The following CRPPA variants were observed in gnomAD, a reference collection of about 807,000 sequenced individuals.
CRPPA encodes the protein CDP-L-ribitol pyrophosphorylase A.
In CRPPA, 43 loss-of-function variants were observed where a neutral mutation model predicts 52.0. The observed-to-expected ratio is 0.83, with a 90% CI of 0.65 to 1.07. The LOEUF (loss-of-function observed/expected upper bound fraction) is 1.07. CRPPA is among the 50% of genes least tolerant of loss of function. The pLI is 0.00. For missense variants in CRPPA, 629 were observed against 551.7 expected (o/e 1.14, Z -1.40); for synonymous variants, 250 against 203.5 (o/e 1.23, Z -1.94).
chr7:16,110,373 C>A (rs1782236330), intron 9 of CRPPA, among the ~76,000 whole-genome samples: 1 of 152,034 alleles, frequency 6.6e-6, no homozygotes, highest in Admixed American at 6.6e-5. Flanking sequence ...AAACTTAACA[C>A]CATTCCTAAC....
intron 2 of CRPPA, among the ~76,000 whole-genome samples, chr7:16,381,605 A>G (rs1787091180): frequency 6.6e-6 from 1 of 151,736 alleles, no homozygotes; most frequent in African/African-American, 2.4e-5. Flanking sequence ...AAAGTCTCCC[A>G]TTATTATTGT....
At chr7:16,331,606 T>G (rs1364224693) in intron 3 of CRPPA, among the ~76,000 whole-genome samples, 1 of 152,128 alleles carries the variant, frequency 6.6e-6, no homozygotes, top group Non-Finnish European at 1.5e-5. Flanking sequence ...ATTCCAGTAG[T>G]TAGACAGGAT....
chr7:16,295,466 GC>G (rs1246711622), intron 5 of CRPPA, among the ~76,000 whole-genome samples: 1 of 151,892 alleles, frequency 6.6e-6, no homozygotes, highest in African/African-American at 2.4e-5. Flanking sequence ...GCACCATGAG[GC>G]AGTTTTGTAG....
intron 5 of CRPPA, among the ~76,000 whole-genome samples, chr7:16,293,748 C>T (rs566821128): frequency 6.6e-5 from 10 of 152,062 alleles, no homozygotes; most frequent in African/African-American, 2.2e-4. Context: ...GACAATGGCA[C>T]ATAGGCAGAT....
intron 3 of CRPPA, among the ~76,000 whole-genome samples, chr7:16,319,975 C>T (rs1785222910): frequency 2.0e-5 from 3 of 152,156 alleles, no homozygotes; most frequent in Non-Finnish European, 4.4e-5. Flanking sequence ...GAGAATTCTA[C>T]AGCAAACAGT....
chr7:16,268,390 C>T (rs1784008576), intron 6 of CRPPA, among the ~76,000 whole-genome samples: 1 of 151,266 alleles, frequency 6.6e-6, no homozygotes, highest in Admixed American at 6.6e-5. Flanking sequence ...CAGACACCAT[C>T]CCAATATTTG....
intron 3 of CRPPA, among the ~76,000 whole-genome samples, chr7:16,323,798 G>T (rs1435810939): frequency 6.6e-6 from 1 of 152,060 alleles, no homozygotes; most frequent in East Asian, 1.9e-4. Flanking sequence ...ACAGATACAG[G>T]AAATAGAAAT....
At chr7:16,308,498 C>T (rs1228518027) in intron 4 of CRPPA, 25 bp downstream of exon 4, 1 of 1,310,352 alleles carries the variant, frequency 7.6e-7, no homozygotes, top group African/African-American at 1.5e-5. Flanking sequence ...AGAAAAGAAC[C>T]CAAGCAAGGT....
At chr7:16,242,386 T>C (rs1490127981) in intron 8 of CRPPA, among the ~76,000 whole-genome samples, 1 of 152,202 alleles carries the variant, frequency 6.6e-6, no homozygotes, top group Non-Finnish European at 1.5e-5. Flanking sequence ...CAAAAACACT[T>C]AAGAGTAGAA....
At chr7:16,211,189 C>T (rs370776388) in intron 9 of CRPPA, among the ~76,000 whole-genome samples, 4 of 152,096 alleles carry the variant, frequency 2.6e-5, no homozygotes, top group East Asian at 1.9e-4. Context: ...ACAAGCTTAC[C>T]GCCATTCTCT....
intron 3 of CRPPA, among the ~76,000 whole-genome samples, chr7:16,366,946 G>A (rs537432753): frequency 2.0e-5 from 3 of 152,062 alleles, no homozygotes; most frequent in Non-Finnish European, 4.4e-5. Context: ...TAATAACTGC[G>A]ATGTGCCACT....
intron 9 of CRPPA, among the ~76,000 whole-genome samples, chr7:16,158,614 C>T (rs1033588047): frequency 6.6e-6 from 1 of 152,120 alleles, no homozygotes; most frequent in Non-Finnish European, 1.5e-5. Flanking sequence ...ATTGAATCTA[C>T]AACTGCACAG....
intron 4 of CRPPA, 27 bp from the exon 5 acceptor site, chr7:16,301,493 C>T (rs369400367): frequency 8.3e-5 from 130 of 1,568,774 alleles, no homozygotes; most frequent in Non-Finnish European, 1.1e-4. Flanking sequence ...CTTCATTAGA[C>T]TTAACAGAGC....
chr7:16,348,921 G>A (rs1786081406), intron 3 of CRPPA, among the ~76,000 whole-genome samples: 1 of 152,190 alleles, frequency 6.6e-6, no homozygotes, highest in South Asian at 2.1e-4. Context: ...GGAAGTCAAT[G>A]GGGCTTTGTA....
chr7:16,421,042 G>C (rs1788320440), intron 1 of CRPPA, 24 bp downstream of exon 1: 1 of 1,263,516 alleles, frequency 7.9e-7, no homozygotes, highest in Non-Finnish European at 1.0e-6. Context: ...AGGGAACCGC[G>C]GGGCGCGCCC....
At chr7:16,179,557 G>A (rs1270919935) in intron 9 of CRPPA, among the ~76,000 whole-genome samples, 1 of 152,036 alleles carries the variant, frequency 6.6e-6, no homozygotes, top group East Asian at 1.9e-4. Context: ...AGAGAAAAGG[G>A]TCACAAGCAA....
intron 9 of CRPPA, among the ~76,000 whole-genome samples, chr7:16,178,737 G>A (rs1781353162): frequency 6.6e-6 from 1 of 151,974 alleles, no homozygotes; most frequent in Non-Finnish European, 1.5e-5. Flanking sequence ...TGAATGTATA[G>A]AAGATACATA....
In CRPPA at chr7:16,089,049, T is replaced by C. The variant is rs1781758614; in HGVS notation, c.*2646A>G. ...AGCCCAAACTTTTGTTACTATTCAG[T>C]CACATGATTTTGGCAAGGTAACTAA... On this transcript the variant is annotated 3_prime_UTR_variant, in exon 10 of 10. Coordinates refer to ENST00000407010, the MANE Select transcript of CRPPA (RefSeq NM_001101426.4). 4.4e-6 allele frequency: 1 copy of C among 226,712 alleles called. No homozygotes were observed. Among genetic ancestry groups the C allele is most frequent in the South Asian group, 5.2e-5 (1 of 19,158 alleles). 14.0% of individuals were successfully genotyped at this position (226,712 alleles called of 1,614,324 possible). A position where few individuals can be genotyped will look rare whatever the true frequency, so the allele number is the denominator to read the frequency against.
intron 5 of CRPPA, among the ~76,000 whole-genome samples, chr7:16,289,938 CA>C (rs1461006695): frequency 1.3e-5 from 2 of 151,814 alleles, no homozygotes; most frequent in Non-Finnish European, 2.9e-5. Flanking sequence ...ATGACTCCAA[CA>C]AAAAAACTCT....
Sources: gnomAD v4.1 joint callset for allele counts (sites outside exome capture counted in the v4.1 genomes callset) on GRCh38, gnomAD v4.1.1 for gene constraint, MANE v1.5 for transcripts, NCBI Gene and HGNC (gene_info 2026-07-23, HGNC 2026-07-21) for gene names.